The following LRRC72 variants were observed in gnomAD, a reference collection of about 807,000 sequenced individuals.
The protein encoded by LRRC72 is leucine-rich repeat-containing protein 72.
LRRC72 carries 41 observed loss-of-function variants against 35.8 expected under a neutral mutation model. The ratio of observed to expected loss-of-function variants is 1.15; its 90% CI spans 0.89 to 1.49. The LOEUF is 1.49. Ranked by LOEUF, LRRC72 falls within the 40% of genes most tolerant of loss-of-function variation. LRRC72 has a pLI of 0.00. For synonymous variants in LRRC72, 118 were observed against 119.2 expected, an observed-to-expected ratio of 0.99 and a Z score of 0.07; for missense variants, 389 against 330.7, an observed-to-expected ratio of 1.18 and a Z score of -1.37.
intron 7 of LRRC72, among the ~76,000 whole-genome samples, chr7:16,571,574 C>G (rs1242841373): frequency 6.6e-6 from 1 of 152,174 alleles, no homozygotes; most frequent in Non-Finnish European, 1.5e-5. Context: ...TGTCGCCTCA[C>G]CCGGGAAGTG....
intron 7 of LRRC72, among the ~76,000 whole-genome samples, chr7:16,569,254 C>A (rs1308272416): frequency 6.6e-6 from 1 of 151,930 alleles, no homozygotes; most frequent in Non-Finnish European, 1.5e-5. Context: ...ATGAAGAAAC[C>A]CCATCTCTAC....
intron 7 of LRRC72, among the ~76,000 whole-genome samples, chr7:16,576,554 G>T (rs2128339301): frequency 6.6e-6 from 1 of 152,216 alleles, no homozygotes; most frequent in Non-Finnish European, 1.5e-5. Flanking sequence ...ATGGTTAAAA[G>T]GGTTGTACCA....
At chr7:16,555,628 T>C (rs1371735822) in intron 3 of LRRC72, among the ~76,000 whole-genome samples, 1 of 152,068 alleles carries the variant, frequency 6.6e-6, no homozygotes, top group African/African-American at 2.4e-5. Flanking sequence ...AAAAATTAGC[T>C]GGCTATGGCG....
At chr7:16,563,302 A>T (rs917471309) in intron 5 of LRRC72, among the ~76,000 whole-genome samples, 1 of 151,872 alleles carries the variant, frequency 6.6e-6, no homozygotes, top group Non-Finnish European at 1.5e-5. Context: ...TTCTGTCTCG[A>T]TAATAAGTAG....
chr7:16,528,568 T>C (rs1782112015), intron 1 of LRRC72, among the ~76,000 whole-genome samples: 1 of 152,086 alleles, frequency 6.6e-6, no homozygotes, highest in Non-Finnish European at 1.5e-5. Flanking sequence ...ACACACCCCA[T>C]GTCATATCTG....
chr7:16,542,137 A>T (rs1782368499), intron 3 of LRRC72, among the ~76,000 whole-genome samples: 1 of 152,068 alleles, frequency 6.6e-6, no homozygotes, highest in Non-Finnish European at 1.5e-5. Flanking sequence ...GAGAGGTATA[A>T]TTAGGGATTT....
chr7:16,580,866 T>C (rs1409085980), intron 8 of LRRC72, among the ~76,000 whole-genome samples: 1 of 152,190 alleles, frequency 6.6e-6, no homozygotes, highest in Non-Finnish European at 1.5e-5. Context: ...AGAGTCATCA[T>C]TCTTTTTTTA....
intron 3 of LRRC72, among the ~76,000 whole-genome samples, chr7:16,545,545 G>C (rs1238607840): frequency 6.6e-6 from 1 of 151,782 alleles, no homozygotes; most frequent in Non-Finnish European, 1.5e-5. Context: ...ACAATACCTT[G>C]TTCCAAAAAA....
chr7:16,578,893 A>T (rs1783091932), intron 7 of LRRC72, among the ~76,000 whole-genome samples: 1 of 152,222 alleles, frequency 6.6e-6, no homozygotes, highest in South Asian at 2.1e-4. Context: ...GATCCCACTT[A>T]TATATGGAAT....
chr7:16,532,885 G>C (rs1016446484), intron 2 of LRRC72: 1 of 331,108 alleles, frequency 3.0e-6, no homozygotes, highest in Non-Finnish European at 5.8e-6. Flanking sequence ...AGGACATCCA[G>C]TTGAATTTGA....
intron 7 of LRRC72, among the ~76,000 whole-genome samples, chr7:16,569,710 G>GGAAGC (rs909176053): frequency 6.6e-6 from 1 of 151,750 alleles, no homozygotes; most frequent in Admixed American, 6.6e-5. Context: ...AGAGAGGAAG[G>GGAAGC]GAAGGGAAGG....
chr7:16,546,782 G>A (rs967776102), intron 3 of LRRC72, among the ~76,000 whole-genome samples: 2 of 152,024 alleles, frequency 1.3e-5, no homozygotes, highest in Non-Finnish European at 2.9e-5. Flanking sequence ...TACAAATATT[G>A]CAGTGGCCCT....
rs1439256178 is a variant in LRRC72 at position 16,566,407 on chromosome 7, G to T, written c.517+5G>T. On this transcript the variant is annotated splice_donor_5th_base_variant and intron_variant, in intron 6 of 8. Coordinates refer to ENST00000401542, the MANE Select transcript of LRRC72 (RefSeq NM_001195280.2). The stretch of plus-strand genomic sequence containing the variant: ...TGGAGCTGCTTGACCGAAATCGTAA[G>T]GACCCTTCCTTCTTGCAAAGAAATA... 1 of 1,527,818 alleles carries T rather than the reference G, an allele frequency of 6.5e-7. No homozygotes were observed. The highest frequency in any genetic ancestry group is 2.5e-5 in the East Asian group (1 of 40,446). 94.6% of individuals were successfully genotyped at this position (1,527,818 alleles called of 1,614,324 possible).
chr7:16,566,100 C>T (rs1380669062), intron 5 of LRRC72, among the ~76,000 whole-genome samples: 1 of 152,118 alleles, frequency 6.6e-6, no homozygotes, highest in Non-Finnish European at 1.5e-5. Flanking sequence ...ATAGTAAGCA[C>T]TTGGTAAATA....
chr7:16,547,503 G>C (rs542256730), intron 3 of LRRC72, among the ~76,000 whole-genome samples: 1 of 152,248 alleles, frequency 6.6e-6, no homozygotes, highest in East Asian at 1.9e-4. Flanking sequence ...TGCCCAAACT[G>C]CTGCTGTGGG....
chr7:16,562,999 G>A (rs1343686407), intron 5 of LRRC72, among the ~76,000 whole-genome samples: 2 of 152,158 alleles, frequency 1.3e-5, no homozygotes, highest in African/African-American at 4.8e-5. Context: ...CAATGGAGAT[G>A]CTGACCTTAC....
chr7:16,571,406 A>T (rs890637934), intron 7 of LRRC72, among the ~76,000 whole-genome samples: 1 of 152,162 alleles, frequency 6.6e-6, no homozygotes, highest in African/African-American at 2.4e-5. Flanking sequence ...GGCCGGCAAG[A>T]TGGCCGAATA....
intron 5 of LRRC72, among the ~76,000 whole-genome samples, chr7:16,565,530 T>A (rs989254270): frequency 2.0e-5 from 3 of 152,090 alleles, no homozygotes; most frequent in African/African-American, 7.2e-5. Context: ...AGGGAAAATA[T>A]CTTTTTTTAA....
At chr7:16,543,201 G>C (rs576833561) in intron 3 of LRRC72, among the ~76,000 whole-genome samples, 2 of 152,184 alleles carry the variant, frequency 1.3e-5, no homozygotes, top group African/African-American at 4.8e-5. Flanking sequence ...ATACTAGCTT[G>C]ACCACTAAGA....
Sources: gnomAD v4.1 joint callset for allele counts (sites outside exome capture counted in the v4.1 genomes callset) on GRCh38, gnomAD v4.1.1 for gene constraint, MANE v1.5 for transcripts, NCBI Gene and HGNC (gene_info 2026-07-23, HGNC 2026-07-21) for gene names.